The following NR2F1-AS1 variants were observed in gnomAD, a reference collection of about 807,000 sequenced individuals.
NR2F1-AS1 encodes the protein NR2F1 antisense RNA 1.
intron 4 of NR2F1-AS1, among the ~76,000 whole-genome samples, chr5:93,501,459 T>C (rs180754340): frequency 1.9e-4 from 29 of 151,812 alleles, no homozygotes; most frequent in African/African-American, 6.8e-4. Flanking sequence ...GTTCAAGTGA[T>C]TCTCCTGCCT....
At chr5:93,557,768 A>G (rs1752393870) in intron 2 of NR2F1-AS1, among the ~76,000 whole-genome samples, 1 of 152,174 alleles carries the variant, frequency 6.6e-6, no homozygotes, top group Non-Finnish European at 1.5e-5. Context: ...CCTTTAATGA[A>G]AGATTTCTCT....
chr5:93,584,530 C>T (rs1303156484), upstream of NR2F1-AS1: 1 of 149,330 alleles, frequency 6.7e-6, no homozygotes, highest in Non-Finnish European at 1.5e-5. Flanking sequence ...GGCGCTGCGC[C>T]CCGCGCCGCT....
At chr5:93,571,461 T>A (rs1379963515) in intron 1 of NR2F1-AS1, 2 of 149,714 alleles carry the variant, frequency 1.3e-5, no homozygotes, top group Non-Finnish European at 3.0e-5. Context: ...TAGATGAGAC[T>A]AGACAGTGAC....
chr5:93,562,118 T>A (rs1376272314), intron 2 of NR2F1-AS1, among the ~76,000 whole-genome samples: 1 of 139,812 alleles, frequency 7.2e-6, no homozygotes, highest in Admixed American at 7.7e-5. Flanking sequence ...GAGGCCAAGG[T>A]GGGAGAATCG....
chr5:93,488,978 C>T (rs11953973), intron 4 of NR2F1-AS1, among the ~76,000 whole-genome samples: 4,097 of 152,194 alleles, frequency 0.027, 91 homozygotes, highest in South Asian at 0.054. Flanking sequence ...AACCATCATT[C>T]TCAGCAAACT....
At chr5:93,484,905 A>G (rs1292518785) in intron 4 of NR2F1-AS1, among the ~76,000 whole-genome samples, 1 of 152,230 alleles carries the variant, frequency 6.6e-6, no homozygotes, top group Non-Finnish European at 1.5e-5. Flanking sequence ...ATGCAACAAG[A>G]AGAGTTAACT....
chr5:93,568,082 C>A (rs1752658202), intron 1 of NR2F1-AS1, among the ~76,000 whole-genome samples: 1 of 152,108 alleles, frequency 6.6e-6, no homozygotes. Flanking sequence ...AAAATGTAAC[C>A]ATTTAAGATA....
chr5:93,561,498 C>T (rs752963036), intron 2 of NR2F1-AS1, among the ~76,000 whole-genome samples: 3 of 151,878 alleles, frequency 2.0e-5, no homozygotes, highest in East Asian at 1.9e-4. Flanking sequence ...ACAGGCCAGG[C>T]GCAGTGGCTC....
chr5:93,443,188 GA>G (rs2149853076), intron 4 of NR2F1-AS1, among the ~76,000 whole-genome samples: 1 of 152,320 alleles, frequency 6.6e-6, no homozygotes, highest in South Asian at 2.1e-4. Context: ...AAGCTGCATG[GA>G]GAATGACTTT....
chr5:93,457,187 T>C lies in NR2F1-AS1; in HGVS notation n.639-61645A>G, dbSNP rs542726832. Among the ~76,000 whole-genome samples, 6 of 152,258 alleles carry C rather than the reference T, an allele frequency of 3.9e-5. No individual in the cohort carries two copies. In the South Asian group the frequency reaches 1.2e-3, roughly 32 times the overall value. Reference sequence around the variant, plus strand: ...GGTGTCGGGCTGGGGAACGGTCAGGTCTTTCCCTTCCCACGAGGCCATATT... The same window carrying C: ...GGTGTCGGGCTGGGGAACGGTCAGGCCTTTCCCTTCCCACGAGGCCATATT... On this transcript the variant is annotated intron_variant and non_coding_transcript_variant, in intron 4 of 5. Transcript: ENST00000660523.
At chr5:93,410,116 T>C (rs1748822333) in intron 4 of NR2F1-AS1, 1 of 152,164 alleles carries the variant, frequency 6.6e-6, no homozygotes, top group Non-Finnish European at 1.5e-5. Context: ...ACACTTATTC[T>C]CAAGTCAGAA....
At chr5:93,559,988 A>C (rs1191344317) in intron 2 of NR2F1-AS1, among the ~76,000 whole-genome samples, 1 of 152,232 alleles carries the variant, frequency 6.6e-6, no homozygotes, top group African/African-American at 2.4e-5. Context: ...ACAAACCTTC[A>C]ATTTGTAAAA....
At chr5:93,485,926 T>C (rs532634363) in intron 4 of NR2F1-AS1, among the ~76,000 whole-genome samples, 297 of 136,244 alleles carry the variant, frequency 2.2e-3, no homozygotes, top group African/African-American at 8.0e-3. Flanking sequence ...TGGAATACTA[T>C]GCAGCCATAA....
chr5:93,472,155 G>A (rs1327040783), intron 4 of NR2F1-AS1, among the ~76,000 whole-genome samples: 1 of 151,766 alleles, frequency 6.6e-6, no homozygotes, highest in Non-Finnish European at 1.5e-5. Context: ...CTTTTCATAT[G>A]CAGAATCCTT....
At chr5:93,539,974 T>C (rs1751916864) in intron 4 of NR2F1-AS1, among the ~76,000 whole-genome samples, 1 of 152,190 alleles carries the variant, frequency 6.6e-6, no homozygotes, top group African/African-American at 2.4e-5. Context: ...AGACAACCTA[T>C]GTGAATTAGC....
rs576331560 is a variant in NR2F1-AS1, at chr5:93,542,061, T to G, written n.638+11700A>C. 3.3e-5 allele frequency: 5 copies of G among 150,138 alleles called. No homozygotes were observed. In the East Asian group the frequency reaches 9.7e-4, roughly 29 times the overall value. The allele number at this position is 150,138 out of a possible 1,614,324, so 9.3% of individuals were successfully genotyped here. On this transcript the variant is annotated intron_variant and non_coding_transcript_variant, in intron 4 of 5. Transcript: ENST00000660523. ...TTTGACATTTTATTCATTGTGCATT[T>G]TGTGTGAGGCAAATGCCTTGCGCAT...
chr5:93,583,036 AT>A (rs374739079), upstream of NR2F1-AS1, among the ~76,000 whole-genome samples: 32 of 151,914 alleles, frequency 2.1e-4, no homozygotes, highest in South Asian at 6.4e-3. Context: ...TTAGCCTCCC[AT>A]TTTCTCTCCC....
intron 4 of NR2F1-AS1, among the ~76,000 whole-genome samples, chr5:93,483,046 C>G (rs911889827): frequency 2.6e-5 from 4 of 152,222 alleles, no homozygotes; most frequent in African/African-American, 9.6e-5. Flanking sequence ...ACGTTCCTGC[C>G]TGCTGGCTCT....
At chr5:93,563,396 G>A (rs2149921304) in exon 2 of NR2F1-AS1, 1 of 152,272 alleles carries the variant, frequency 6.6e-6, no homozygotes. Flanking sequence ...TGTGGTCACG[G>A]AGAAAACAGG....
Sources: allele counts gnomAD v4.1 joint callset (sites outside exome capture counted in the v4.1 genomes callset), GRCh38; gene constraint gnomAD v4.1.1; transcripts MANE v1.5; gene names NCBI Gene and HGNC (gene_info 2026-07-23, HGNC 2026-07-21).